Variants in LOXHD1 observed in about 807,000 individuals in gnomAD.
LOXHD1 encodes lipoxygenase homology PLAT domains 1.
In LOXHD1, 205 loss-of-function variants were observed where a neutral mutation model predicts 248.2. The ratio of observed to expected loss-of-function variants is 0.83; its 90% CI spans 0.74 to 0.93. The LOEUF (loss-of-function observed/expected upper bound fraction) is 0.93. LOXHD1 is among the 40% of genes least tolerant of loss of function. LOXHD1 has a pLI of 0.00. For synonymous variants in LOXHD1, 1,113 were observed against 1,162.8 expected (o/e 0.96, Z 0.87); for missense variants, 2,930 against 2,971.6 (o/e 0.99, Z 0.33).
At chr18:46,489,249 C>T in intron 37 of LOXHD1, 107 bp from the exon 38 acceptor site, 1 of 1,223,018 alleles carries the variant, frequency 8.2e-7, no homozygotes, top group Non-Finnish European at 1.2e-6. Flanking sequence ...GACAAGTTAT[C>T]TGTCCTCTTT....
intron 34 of LOXHD1, among the ~76,000 whole-genome samples, chr18:46,513,369 A>G (rs1012630869): frequency 2.6e-5 from 4 of 152,328 alleles, no homozygotes; most frequent in Admixed American, 6.5e-5. Flanking sequence ...ATCCATGTAT[A>G]TAACTGTATG....
At position 46,657,020 on chromosome 18, in the gene LOXHD1, T is replaced by A; in HGVS notation, c.14A>T (p.Lys5Met). MMPQ[K>M]KRRRKKDIDF... is the part of the protein sequence containing the mutation. ...GATGTCCTTCTTCCTCCGCCTTTTCTTCTGGGGCATCATTCTGTCGGCTGC... is the reference window on the plus strand; with the variant it reads ...GATGTCCTTCTTCCTCCGCCTTTTCATCTGGGGCATCATTCTGTCGGCTGC... Residue 5 changes from lysine (K) to methionine (M), a missense_variant, in exon 1 of 41, where the codon AAG becomes ATG. Transcript: ENST00000642948. 6.4e-7 allele frequency: 1 copy of A among 1,551,684 alleles called. No individual in the cohort carries two copies. Among genetic ancestry groups the A allele is most frequent in the Non-Finnish European group, 8.7e-7 (1 of 1,146,964 alleles).
chr18:46,521,180 A>G lies in LOXHD1; in HGVS notation c.5188T>C (p.Trp1730Arg), dbSNP rs1350520079. The G allele has an allele frequency of 6.4e-7, 1 of 1,551,742 alleles. No individual in the cohort carries two copies. The highest frequency in any genetic ancestry group is 1.2e-5 in the South Asian group (1 of 84,058). ...GTKYMLNCNC[W>R]LAKDRGDGIT... The stretch of plus-strand genomic sequence containing the variant: ...CCGTCGCCTCTGTCCTTGGCCAGCC[A>G]GCAGTTACAGTTCAACATGTACTTG... Residue 1730 changes from tryptophan (W) to arginine (R), a missense_variant, in exon 33 of 41, where the codon TGG (tryptophan) becomes CGG (arginine). Physicochemically the swap from Trp to Arg is moderately radical, Grantham distance 101. Transcript: ENST00000642948.
chr18:46,618,719 G>C (rs1321966947), intron 4 of LOXHD1, among the ~76,000 whole-genome samples: 1 of 152,154 alleles, frequency 6.6e-6, no homozygotes, highest in African/African-American at 2.4e-5. Context: ...TAGGCCCTCT[G>C]TATCTCCTCT....
chr18:46,477,957 CAG>C lies in LOXHD1; in HGVS notation c.6342-7_6342-6del, dbSNP rs1285138593. 6.5e-7 allele frequency: 1 copy of C among 1,545,084 alleles called. No homozygotes were observed. The highest frequency in any genetic ancestry group is 8.8e-7 in the Non-Finnish European group (1 of 1,141,938). On this transcript the variant is annotated splice_region_variant and splice_polypyrimidine_tract_variant and intron_variant, in intron 40 of 40. Coordinates refer to ENST00000642948, the MANE Select transcript of LOXHD1 (RefSeq NM_001384474.1). ...CAGTCACAGTTAAAGAAGTACCTGG[CAG>C]AGAGGTGGGAGAGTGGAGGGGTAGG...
At chr18:46,509,514 T>TAAA in intron 35 of LOXHD1, 184 bp downstream of exon 35, 2 of 656,850 alleles carry the variant, frequency 3.0e-6, no homozygotes, top group Non-Finnish European at 5.7e-6. Flanking sequence ...TGGACACAAA[T>TAAA]AAATAAAACG....
intron 19 of LOXHD1, 56 bp from the exon 20 acceptor site, chr18:46,559,658 C>T (rs1244273606): frequency 1.3e-6 from 2 of 1,524,308 alleles, no homozygotes; most frequent in African/African-American, 2.8e-5. Context: ...GGTGTTTGGA[C>T]CTGAGGCACA....
intron 35 of LOXHD1, among the ~76,000 whole-genome samples, chr18:46,509,003 G>T (rs1466270929): frequency 1.3e-5 from 2 of 152,206 alleles, no homozygotes; most frequent in East Asian, 3.9e-4. Flanking sequence ...GAGGTCCTGA[G>T]AAGGAGCAGC....
At chr18:46,642,287 C>T (rs915862893) in intron 2 of LOXHD1, among the ~76,000 whole-genome samples, 1 of 152,232 alleles carries the variant, frequency 6.6e-6, no homozygotes, top group African/African-American at 2.4e-5. Flanking sequence ...AACAAGCACA[C>T]AGACAATATC....
intron 21 of LOXHD1, among the ~76,000 whole-genome samples, chr18:46,553,421 A>G (rs954810952): frequency 6.6e-5 from 10 of 152,210 alleles, no homozygotes; most frequent in Non-Finnish European, 2.9e-5. Flanking sequence ...TTAAACCTAA[A>G]TCATCAGCCT....
In LOXHD1 at chr18:46,575,431, G is replaced by A. The variant is rs149390090; in HGVS notation, c.1970+2276C>T. Among the ~76,000 whole-genome samples, 828 of 152,246 alleles carry A rather than the reference G, an allele frequency of 5.4e-3. 15 individuals carry two copies. Among genetic ancestry groups the A allele is most frequent in the African/African-American group, 0.019 (808 of 41,526 alleles). On this transcript the variant is annotated intron_variant, in intron 14 of 40. Coordinates refer to ENST00000642948, the MANE Select transcript of LOXHD1 (RefSeq NM_001384474.1). ...CCTAACCTCCGGTACCTCAGAATGT[G>A]ACCTTATTTGGAAATAGGGTCATTG...
At chr18:46,496,925 C>T (rs1472366641) in intron 37 of LOXHD1, among the ~76,000 whole-genome samples, 1 of 152,184 alleles carries the variant, frequency 6.6e-6, no homozygotes, top group Non-Finnish European at 1.5e-5. Context: ...ATCACTTGAA[C>T]CTGGGAGGCA....
At chr18:46,554,329 G>A (rs1391721958) in intron 21 of LOXHD1, among the ~76,000 whole-genome samples, 1 of 152,148 alleles carries the variant, frequency 6.6e-6, no homozygotes, top group African/African-American at 2.4e-5. Context: ...AACAGTGAGG[G>A]AGATGTCAGT....
At chr18:46,524,437 C>A in intron 31 of LOXHD1, 29 bp downstream of exon 31, 1 of 1,541,482 alleles carries the variant, frequency 6.5e-7, no homozygotes, top group Non-Finnish European at 8.8e-7. Context: ...TGCCTGGCCC[C>A]CGTCCAAAGA....
At chr18:46,501,705 T>C (rs1413751418) in intron 37 of LOXHD1, among the ~76,000 whole-genome samples, 4 of 152,332 alleles carry the variant, frequency 2.6e-5, no homozygotes, top group South Asian at 4.1e-4. Context: ...GGAGCAATGG[T>C]TCAGTGTTTG....
chr18:46,608,456 C>A (rs547632831), intron 6 of LOXHD1, among the ~76,000 whole-genome samples: 1 of 152,272 alleles, frequency 6.6e-6, no homozygotes, highest in Admixed American at 6.5e-5. Flanking sequence ...ACTGTTCACC[C>A]TTTAAAGCTC....
intron 21 of LOXHD1, among the ~76,000 whole-genome samples, chr18:46,548,770 G>C (rs1036213974): frequency 1.3e-5 from 2 of 152,138 alleles, no homozygotes; most frequent in Admixed American, 6.5e-5. Context: ...CACAAAGAAA[G>C]AGCCAGGGAG....
intron 4 of LOXHD1, among the ~76,000 whole-genome samples, chr18:46,632,759 C>A (rs1235571575): frequency 3.3e-5 from 5 of 152,308 alleles, no homozygotes; most frequent in African/African-American, 1.2e-4. Flanking sequence ...CAGCCTTCCA[C>A]AGGCCCCAGA....
chr18:46,478,853 C>T (rs1315734640), intron 40 of LOXHD1, among the ~76,000 whole-genome samples: 1 of 152,126 alleles, frequency 6.6e-6, no homozygotes, highest in African/African-American at 2.4e-5. Context: ...CTATCATGTC[C>T]AGCTAATTTA....
Sources: gnomAD v4.1 joint callset for allele counts (sites outside exome capture counted in the v4.1 genomes callset) on GRCh38, gnomAD v4.1.1 for gene constraint, MANE v1.5 for transcripts, NCBI Gene and HGNC (gene_info 2026-07-23, HGNC 2026-07-21) for gene names.